Variants in PIK3R3 observed in about 807,000 individuals in gnomAD.
PIK3R3 encodes phosphoinositide-3-kinase regulatory subunit 3.
Under a neutral mutation model 62.9 loss-of-function variants are expected in PIK3R3, and 64 were observed. The observed-to-expected ratio is 1.02, with a 90% CI of 0.83 to 1.25. PIK3R3 has a LOEUF of 1.25. Among genes scored for constraint, PIK3R3 ranks in the 50% most tolerant of loss-of-function variants. The probability of loss-of-function intolerance (pLI) is 0.00; values close to 1 mark genes in which losing one functional copy is unlikely to be tolerated. For synonymous variants in PIK3R3, 165 were observed against 189.0 expected (o/e 0.87, Z 1.04); for missense variants, 614 against 561.6 (o/e 1.09, Z -0.94).
the PIK3R3 span, among the ~76,000 whole-genome samples, chr1:46,160,999 C>A: frequency 1.3e-5 from 2 of 152,200 alleles, no homozygotes; most frequent in Non-Finnish European, 2.9e-5. Flanking sequence ...TAGAGGAATT[C>A]ACCAGTCAGA....
intron 1 of PIK3R3, among the ~76,000 whole-genome samples, chr1:46,119,754 C>A (rs1309642920): frequency 6.6e-6 from 1 of 150,920 alleles, no homozygotes; most frequent in African/African-American, 2.4e-5. Flanking sequence ...CAGGTATGTG[C>A]CATTGTAACC....
intron 3 of PIK3R3, among the ~76,000 whole-genome samples, chr1:46,074,298 A>C (rs1265032538): frequency 0.021 from 3,030 of 141,424 alleles, 173 homozygotes; most frequent in African/African-American, 0.077. Flanking sequence ...AAAAAAAAAA[A>C]AAAAAAAAAA....
chr1:46,173,519 C>T, the PIK3R3 span, among the ~76,000 whole-genome samples: 2 of 152,180 alleles, frequency 1.3e-5, no homozygotes, highest in African/African-American at 4.8e-5. Context: ...GCTCAGCTAA[C>T]CCAGGCCCTT....
chr1:46,068,926 T>A (rs1649251465), intron 3 of PIK3R3, among the ~76,000 whole-genome samples: 2 of 152,208 alleles, frequency 1.3e-5, no homozygotes, highest in African/African-American at 2.4e-5. Context: ...TCACTCTAGC[T>A]GCTGAGTTGA....
chr1:46,131,006 T>A (rs1479045090), intron 1 of PIK3R3, among the ~76,000 whole-genome samples: 1 of 152,172 alleles, frequency 6.6e-6, no homozygotes, highest in African/African-American at 2.4e-5. Flanking sequence ...AGCTTTAAAA[T>A]AAAAATATAG....
intron 2 of PIK3R3, among the ~76,000 whole-genome samples, chr1:46,078,335 C>T (rs1465526378): frequency 1.3e-5 from 2 of 152,092 alleles, no homozygotes; most frequent in Non-Finnish European, 2.9e-5. Flanking sequence ...GTCACGGGTT[C>T]GAGACCAACC....
At chr1:46,057,773 C>T (rs1424397703) in intron 6 of PIK3R3, among the ~76,000 whole-genome samples, 1 of 152,176 alleles carries the variant, frequency 6.6e-6, no homozygotes, top group African/African-American at 2.4e-5. Context: ...CGTGGGTGCT[C>T]TTAAAAGCAT....
At chr1:46,110,734 G>T (rs542745231) in intron 1 of PIK3R3, among the ~76,000 whole-genome samples, 86 of 151,364 alleles carry the variant, frequency 5.7e-4, no homozygotes, top group African/African-American at 2.0e-3. Flanking sequence ...GCTTGAGATG[G>T]TCAGCATTTA....
At chr1:46,068,591 C>T (rs1007819054) in intron 3 of PIK3R3, among the ~76,000 whole-genome samples, 3 of 152,136 alleles carry the variant, frequency 2.0e-5, no homozygotes, top group Non-Finnish European at 4.4e-5. Context: ...CAAGGAAAAC[C>T]TCTCTGTTCA....
At chr1:46,060,347 G>A (rs575942719) in intron 6 of PIK3R3, among the ~76,000 whole-genome samples, 5 of 152,060 alleles carry the variant, frequency 3.3e-5, no homozygotes, top group Middle Eastern at 3.4e-3. Flanking sequence ...AAAATTAGCC[G>A]GGCATGGTGG....
Position 46,055,956 on chromosome 1 carries a change from A to G in PIK3R3, c.780T>C (p.Tyr260=), listed in dbSNP as rs1046899799. Residue 260 remains tyrosine, a synonymous_variant, in exon 7 of 10, where the codon TAT becomes TAC. Coordinates refer to ENST00000262741, the MANE Select transcript of PIK3R3 (RefSeq NM_003629.4). Reference sequence around the variant, plus strand: ...CACCCAGACGTGATTTCAATTTATCATAATTCATCATAATTCTGTAAAAAT... The same window carrying G: ...CACCCAGACGTGATTTCAATTTATCGTAATTCATCATAATTCTGTAAAAAT... The part of the protein sequence containing the change: ...EKEIERIMMN[Y]DKLKSRLGEI... 6.3e-7 allele frequency: 1 copy of G among 1,578,490 alleles called. No individual in the cohort carries two copies. The highest frequency in any genetic ancestry group is 1.4e-5 in the African/African-American group (1 of 72,786).
At chr1:46,116,808 G>C (rs1302148053) in intron 1 of PIK3R3, among the ~76,000 whole-genome samples, 1 of 151,930 alleles carries the variant, frequency 6.6e-6, no homozygotes, top group African/African-American at 2.4e-5. Context: ...TCTTTTCTAT[G>C]CTATACAGAT....
chr1:46,113,612 C>G (rs1417811966), intron 1 of PIK3R3, among the ~76,000 whole-genome samples: 2 of 152,136 alleles, frequency 1.3e-5, no homozygotes, highest in Non-Finnish European at 2.9e-5. Context: ...CATACATTGT[C>G]TTCAACAAAA....
At chr1:46,122,802 T>A (rs941870938) in intron 1 of PIK3R3, among the ~76,000 whole-genome samples, 1 of 152,212 alleles carries the variant, frequency 6.6e-6, no homozygotes, top group Admixed American at 6.5e-5. Flanking sequence ...ATTATCTTCA[T>A]AAGTTTAGAG....
intron 5 of PIK3R3, among the ~76,000 whole-genome samples, chr1:46,062,766 G>A (rs991752936): frequency 6.6e-6 from 1 of 152,124 alleles, no homozygotes; most frequent in African/African-American, 2.4e-5. Flanking sequence ...ACTAGGCTGG[G>A]GTGTTTGGTT....
intron 6 of PIK3R3, chr1:46,057,416 A>G (rs1648032778): frequency 6.6e-6 from 1 of 152,406 alleles, no homozygotes; most frequent in African/African-American, 2.4e-5. Context: ...ATACCCGAAA[A>G]TGGGGAAGTG....
intron 5 of PIK3R3, among the ~76,000 whole-genome samples, chr1:46,064,886 T>G (rs1263405741): frequency 6.6e-6 from 1 of 151,806 alleles, no homozygotes; most frequent in Non-Finnish European, 1.5e-5. Flanking sequence ...AAGAGAAAAT[T>G]AAACTGAAAG....
intron 1 of PIK3R3, among the ~76,000 whole-genome samples, chr1:46,106,376 G>A (rs531689446): frequency 1.3e-5 from 2 of 152,210 alleles, no homozygotes; most frequent in African/African-American, 4.8e-5. Context: ...AAAGTTCTGG[G>A]ATTACAGGCA....
chr1:46,146,520 C>T, the PIK3R3 span, among the ~76,000 whole-genome samples: 1 of 152,090 alleles, frequency 6.6e-6, no homozygotes, highest in Non-Finnish European at 1.5e-5. Context: ...ATTTGGAAGT[C>T]CTCCAAAATG....
Sources: allele counts gnomAD v4.1 joint callset (sites outside exome capture counted in the v4.1 genomes callset), GRCh38; gene constraint gnomAD v4.1.1; transcripts MANE v1.5; gene names NCBI Gene and HGNC (gene_info 2026-07-23, HGNC 2026-07-21).